The following QTMAN variants were observed in gnomAD, a reference collection of about 807,000 sequenced individuals.
QTMAN encodes tRNA-queuosine alpha-mannosyltransferase.
the QTMAN span, among the ~76,000 whole-genome samples, chr2:143,964,851 G>T: frequency 6.6e-6 from 1 of 152,054 alleles, no homozygotes; most frequent in African/African-American, 2.4e-5. Context: ...TCAGGTTTTT[G>T]GTTTCCTTGT....
the QTMAN span, among the ~76,000 whole-genome samples, chr2:144,221,594 A>G: frequency 6.6e-6 from 1 of 152,172 alleles, no homozygotes; most frequent in Non-Finnish European, 1.5e-5. Flanking sequence ...TCTTCAAGTT[A>G]TCTTCATTGA....
At chr2:144,298,094 CTTCAA>C in the QTMAN span, among the ~76,000 whole-genome samples, 1 of 151,658 alleles carries the variant, frequency 6.6e-6, no homozygotes, top group African/African-American at 2.4e-5. Context: ...TCTCGGCTCA[CTTCAA>C]GCTGCGCCTC....
chr2:144,256,552 G>A, the QTMAN span, among the ~76,000 whole-genome samples: 2 of 152,098 alleles, frequency 1.3e-5, no homozygotes, highest in African/African-American at 4.8e-5. Flanking sequence ...CCTTTGCAGG[G>A]ACATGAATGA....
chr2:144,273,404 A>C, the QTMAN span, among the ~76,000 whole-genome samples: 1 of 152,178 alleles, frequency 6.6e-6, no homozygotes, highest in Non-Finnish European at 1.5e-5. Flanking sequence ...GGGTATGACA[A>C]TTCCTAGTCT....
chr2:144,099,494 A>G, the QTMAN span, among the ~76,000 whole-genome samples: 1 of 152,216 alleles, frequency 6.6e-6, no homozygotes, highest in Non-Finnish European at 1.5e-5. Flanking sequence ...GTATGAGGGA[A>G]AAACAAGTAT....
the QTMAN span, among the ~76,000 whole-genome samples, chr2:143,947,694 CAAG>C: frequency 2.0e-5 from 3 of 151,948 alleles, no homozygotes; most frequent in East Asian, 1.9e-4. Context: ...ACATAGAGGC[CAAG>C]AAGATCACCT....
the QTMAN span, among the ~76,000 whole-genome samples, chr2:144,045,188 G>C: frequency 2.0e-5 from 3 of 152,214 alleles, 1 homozygote; most frequent in South Asian, 4.1e-4. Context: ...ATGGAGATGG[G>C]AGAAGTTGAA....
the QTMAN span, among the ~76,000 whole-genome samples, chr2:144,246,101 G>A: frequency 1.7e-4 from 26 of 152,190 alleles, no homozygotes; most frequent in South Asian, 4.8e-3. Context: ...TCTAATGGGG[G>A]AGACAGGCAT....
the QTMAN span, among the ~76,000 whole-genome samples, chr2:144,189,837 G>C: frequency 3.9e-5 from 6 of 151,994 alleles, no homozygotes; most frequent in African/African-American, 1.4e-4. Flanking sequence ...GGCCATGCTG[G>C]TCATGAACTC....
the QTMAN span, among the ~76,000 whole-genome samples, chr2:144,209,097 A>G: frequency 6.6e-6 from 1 of 152,218 alleles, no homozygotes; most frequent in Non-Finnish European, 1.5e-5. Flanking sequence ...GAAAGCTGAA[A>G]GCCCTCACCT....
At chr2:144,057,520 A>G in the QTMAN span, among the ~76,000 whole-genome samples, 1 of 152,164 alleles carries the variant, frequency 6.6e-6, no homozygotes, top group African/African-American at 2.4e-5. Flanking sequence ...CTTATCTCTC[A>G]TATGACCTGG....
the QTMAN span, among the ~76,000 whole-genome samples, chr2:144,159,346 T>C: frequency 6.6e-6 from 1 of 152,088 alleles, no homozygotes; most frequent in African/African-American, 2.4e-5. Flanking sequence ...ATATTTTCAA[T>C]AGTGTAAAGC....
chr2:144,171,272 T>C, the QTMAN span, among the ~76,000 whole-genome samples: 42 of 152,306 alleles, frequency 2.8e-4, 1 homozygote, highest in South Asian at 8.1e-3. Context: ...CTATGTCAGA[T>C]ACCACAGCTT....
the QTMAN span, among the ~76,000 whole-genome samples, chr2:144,280,205 T>A: frequency 6.6e-6 from 1 of 152,168 alleles, no homozygotes; most frequent in Non-Finnish European, 1.5e-5. Context: ...AGACAACACA[T>A]ACCCAAAGAT....
chr2:144,023,059 T>C, the QTMAN span, among the ~76,000 whole-genome samples: 3 of 152,214 alleles, frequency 2.0e-5, no homozygotes. Context: ...GAAGTCCTAG[T>C]ATCTGAAGTT....
chr2:144,218,109 C>T, the QTMAN span, among the ~76,000 whole-genome samples: 2 of 152,116 alleles, frequency 1.3e-5, no homozygotes, highest in African/African-American at 4.8e-5. Flanking sequence ...ATGGCCGTGA[C>T]GATTTCTTCC....
At chr2:144,027,303 G>A in the QTMAN span, among the ~76,000 whole-genome samples, 1 of 152,152 alleles carries the variant, frequency 6.6e-6, no homozygotes, top group East Asian at 1.9e-4. Context: ...ATTATATTAC[G>A]TTGTCACATC....
At chr2:144,170,804 T>C in the QTMAN span, among the ~76,000 whole-genome samples, 1 of 152,112 alleles carries the variant, frequency 6.6e-6, no homozygotes, top group Non-Finnish European at 1.5e-5. Context: ...AGATTCTTGA[T>C]ACAATATAGT....
At chr2:144,244,793 A>G in the QTMAN span, among the ~76,000 whole-genome samples, 1 of 152,216 alleles carries the variant, frequency 6.6e-6, no homozygotes, top group Admixed American at 6.5e-5. Context: ...ACTATAAGAA[A>G]TTAGTAAATT....
Sources: gnomAD v4.1 joint callset for allele counts (sites outside exome capture counted in the v4.1 genomes callset) on GRCh38, gnomAD v4.1.1 for gene constraint, MANE v1.5 for transcripts, NCBI Gene and HGNC (gene_info 2026-07-23, HGNC 2026-07-21) for gene names.